The following MCC variants were observed in gnomAD, a reference collection of about 807,000 sequenced individuals.
The protein encoded by MCC is MCC regulator of Wnt signaling pathway.
Under a neutral mutation model 116.2 loss-of-function variants are expected in MCC, and 90 were observed. The ratio of observed to expected loss-of-function variants is 0.77; its 90% confidence interval spans 0.65 to 0.92. The LOEUF (loss-of-function observed/expected upper bound fraction) is 0.92, where lower values mean the gene tolerates loss of function less well. Ranked by LOEUF, MCC falls within the 40% of genes least tolerant of loss-of-function variation. The pLI, the probability that MCC is intolerant of heterozygous loss-of-function variation, is 0.00. For missense variants in MCC, 1,516 were observed against 1,312.2 expected (o/e 1.16, Z -2.40); for synonymous variants, 578 against 510.5 (o/e 1.13, Z -1.78).
chr5:113,334,590 A>T (rs1581407433), intron 3 of MCC, among the ~76,000 whole-genome samples: 1 of 120,884 alleles, frequency 8.3e-6, no homozygotes. Context: ...CTGATTTCTG[A>T]TTTTTTTTTT....
At chr5:113,352,865 C>T (rs1768311491) in intron 2 of MCC, among the ~76,000 whole-genome samples, 1 of 152,022 alleles carries the variant, frequency 6.6e-6, no homozygotes, top group South Asian at 2.1e-4. Context: ...AGGTTACAAC[C>T]CTCAACTCCT....
intron 17 of MCC, among the ~76,000 whole-genome samples, chr5:113,036,075 G>T (rs964998764): frequency 7.9e-6 from 1 of 126,962 alleles, no homozygotes; most frequent in African/African-American, 3.1e-5. Context: ...TCACTCTTTC[G>T]CCCGGTCTGA....
intron 11 of MCC, 43 bp downstream of exon 11, chr5:113,082,817 C>T (rs748633603): frequency 6.2e-7 from 1 of 1,602,594 alleles, no homozygotes; most frequent in South Asian, 1.1e-5. Flanking sequence ...GGAGTAGCAC[C>T]TCCTCCCTGC....
chr5:113,464,092 A>G (rs975883237), intron 1 of MCC, among the ~76,000 whole-genome samples: 2 of 131,322 alleles, frequency 1.5e-5, no homozygotes, highest in Admixed American at 1.7e-4. Flanking sequence ...TGACAAGGTC[A>G]CTAGTGACCT....
rs573858645 is a variant in MCC, at chr5:113,060,965, A to C, written c.2213+3019T>G. On this transcript the variant is annotated intron_variant, in intron 14 of 18. Coordinates refer to ENST00000408903, the MANE Select transcript of MCC (RefSeq NM_001085377.2). ...CTGAAGCTTACTGATGCCTGTTCTAACTAGGTGGCTGTTTCAAAAAATTCA... is the reference window on the plus strand; with the variant it reads ...CTGAAGCTTACTGATGCCTGTTCTACCTAGGTGGCTGTTTCAAAAAATTCA... Among the ~76,000 whole-genome samples the C allele has an allele frequency of 3.3e-5, 5 of 152,348 alleles. No individual in the cohort carries two copies. In the South Asian group the frequency reaches 1.0e-3, roughly 32 times the overall value.
rs756351544 is a variant in MCC, at chr5:113,132,389, T to TAC, written c.885-9564_885-9563insGT. ...GTGTGTGTGTATATATATACATACATATATATATACATACATACATATATA... is the reference window on the plus strand; with the variant it reads ...GTGTGTGTGTATATATATACATACATACATATATATACATACATACATATATA... On this transcript the variant is annotated intron_variant, in intron 5 of 18. Coordinates refer to ENST00000408903, the MANE Select transcript of MCC (RefSeq NM_001085377.2). Among the ~76,000 whole-genome samples, 69 of 80,586 alleles carry TAC rather than the reference T, an allele frequency of 8.6e-4. 1 individual carries two copies. Among genetic ancestry groups the TAC allele is most frequent in the African/African-American group, 2.5e-3 (67 of 26,898 alleles). The allele number at this position is 80,586 out of a possible 152,430, so 52.9% of individuals were successfully genotyped here. A position where few individuals can be genotyped will look rare whatever the true frequency, so the allele number is the denominator to read the frequency against.
At chr5:113,052,458 A>G (rs1752547608) in intron 15 of MCC, among the ~76,000 whole-genome samples, 2 of 147,262 alleles carry the variant, frequency 1.4e-5, no homozygotes, top group African/African-American at 2.5e-5. Context: ...CCAGTTTGGA[A>G]ATCATGGGGG....
intron 6 of MCC, among the ~76,000 whole-genome samples, chr5:113,110,421 G>A (rs1425313803): frequency 1.3e-5 from 2 of 152,234 alleles, no homozygotes; most frequent in African/African-American, 2.4e-5. Flanking sequence ...GGTTTCACAA[G>A]GGAGACAAGG....
At chr5:113,166,032 TACTTCAAACA>T (rs1760750694) in intron 3 of MCC, among the ~76,000 whole-genome samples, 1 of 152,182 alleles carries the variant, frequency 6.6e-6, no homozygotes, top group African/African-American at 2.4e-5. Flanking sequence ...GCCTAATCAT[TACTTCAAACA>T]TGCCACAGCA....
intron 1 of MCC, among the ~76,000 whole-genome samples, chr5:113,418,459 A>T (rs1770219784): frequency 6.6e-6 from 1 of 152,114 alleles, no homozygotes; most frequent in African/African-American, 2.4e-5. Context: ...TCATCTTTCC[A>T]AGCAGTGGGA....
chr5:113,060,574 G>T (rs1438734423), intron 14 of MCC, among the ~76,000 whole-genome samples: 1 of 152,152 alleles, frequency 6.6e-6, no homozygotes, highest in Non-Finnish European at 1.5e-5. Flanking sequence ...TCCTAGAATG[G>T]AGAACTTTAC....
chr5:113,151,696 T>C (rs907497766), intron 3 of MCC, among the ~76,000 whole-genome samples: 13 of 152,276 alleles, frequency 8.5e-5, no homozygotes, highest in African/African-American at 3.1e-4. Flanking sequence ...AACTTCTCTT[T>C]CCAATGGCTT....
chr5:113,091,839 G>C (rs1202961170), intron 8 of MCC, among the ~76,000 whole-genome samples: 1 of 151,820 alleles, frequency 6.6e-6, no homozygotes, highest in Non-Finnish European at 1.5e-5. Context: ...GGGCTAGGAG[G>C]ATCACACCAC....
chr5:113,467,211 G>A (rs1263940027), intron 1 of MCC, among the ~76,000 whole-genome samples: 1 of 151,688 alleles, frequency 6.6e-6, no homozygotes, highest in Non-Finnish European at 1.5e-5. Flanking sequence ...TGTCAATTTT[G>A]GTTTTTGTTG....
At chr5:113,214,973 C>T (rs1480455554) in intron 3 of MCC, among the ~76,000 whole-genome samples, 2 of 152,230 alleles carry the variant, frequency 1.3e-5, no homozygotes, top group African/African-American at 2.4e-5. Context: ...CATGCTCAAC[C>T]CTGCCCTTGG....
intron 3 of MCC, among the ~76,000 whole-genome samples, chr5:113,339,636 T>C (rs1315503162): frequency 3.9e-5 from 6 of 152,208 alleles, no homozygotes; most frequent in East Asian, 3.8e-4. Flanking sequence ...TGTCATTTAA[T>C]TGGGATTTTT....
chr5:113,442,111 C>G (rs1771058459), intron 1 of MCC, among the ~76,000 whole-genome samples: 1 of 152,150 alleles, frequency 6.6e-6, no homozygotes, highest in African/African-American at 2.4e-5. Flanking sequence ...AATTTACACT[C>G]CCATCAGCAG....
chr5:113,385,663 T>C (rs974535502), intron 1 of MCC, among the ~76,000 whole-genome samples: 3 of 152,238 alleles, frequency 2.0e-5, no homozygotes, highest in Admixed American at 6.5e-5. Context: ...CAAGCTTGAT[T>C]TTCAGCTTTC....
chr5:113,168,498 A>G (rs778192050), intron 3 of MCC, among the ~76,000 whole-genome samples: 1 of 152,222 alleles, frequency 6.6e-6, no homozygotes, highest in Non-Finnish European at 1.5e-5. Flanking sequence ...GCTGTGCTAC[A>G]TAAGTTAAAT....
Sources: allele counts gnomAD v4.1 joint callset (sites outside exome capture counted in the v4.1 genomes callset), GRCh38; gene constraint gnomAD v4.1.1; transcripts MANE v1.5; gene names NCBI Gene and HGNC (gene_info 2026-07-23, HGNC 2026-07-21).